NSRP1: variants seen among roughly 807,000 people sequenced by gnomAD.
NSRP1 encodes the protein nuclear speckle splicing regulatory protein 1, also known as coiled-coil domain containing 55.
Under a neutral mutation model 54.7 loss-of-function variants are expected in NSRP1, and 24 were observed. The observed-to-expected ratio is 0.44, with a 90% confidence interval of 0.32 to 0.62. The LOEUF (loss-of-function observed/expected upper bound fraction) is 0.62. Ranked by LOEUF, NSRP1 falls within the 20% of genes least tolerant of loss-of-function variation. NSRP1 has a pLI of 0.06. For missense variants in NSRP1, 596 were observed against 651.2 expected, an observed-to-expected ratio of 0.92 and a Z score of 0.92; for synonymous variants, 210 against 213.8, an observed-to-expected ratio of 0.98 and a Z score of 0.15.
In NSRP1 at chr17:30,185,091, C is replaced by T. The variant is rs187315102; in HGVS notation, c.1094C>T (p.Pro365Leu). The T allele has an allele frequency of 6.2e-7, 1 of 1,613,590 alleles. No individual in the cohort carries two copies. Among genetic ancestry groups the T allele is most frequent in the Non-Finnish European group, 8.5e-7 (1 of 1,179,852 alleles). ...AAGAGGCATGAACAGGAAGATAAACCAAGGGCGAGGGACCAAAGAGAAAGA... is the reference window on the plus strand; with the variant it reads ...AAGAGGCATGAACAGGAAGATAAACTAAGGGCGAGGGACCAAAGAGAAAGA... The part of the protein sequence containing the change: ...HWKRHEQEDK[P>L]RARDQRERSD... Residue 365 changes from proline (P) to leucine (L), a missense_variant, in exon 7 of 7, where the codon CCA (proline) becomes CTA (leucine). By Grantham distance (98) the Pro-to-Leu change is moderately conservative (BLOSUM62 -3). Transcript: ENST00000247026.
At chr17:30,119,832 G>A (rs943316190) in intron 2 of NSRP1, among the ~76,000 whole-genome samples, 13 of 152,142 alleles carry the variant, frequency 8.5e-5, no homozygotes, top group African/African-American at 2.9e-4. Flanking sequence ...ATAATAGCAT[G>A]GGTGGATAAT....
At chr17:30,138,211 G>A (rs1425645833) in intron 2 of NSRP1, among the ~76,000 whole-genome samples, 1 of 152,162 alleles carries the variant, frequency 6.6e-6, no homozygotes, top group African/African-American at 2.4e-5. Context: ...TTGTATATGT[G>A]TATCACATTT....
intron 2 of NSRP1, among the ~76,000 whole-genome samples, chr17:30,158,143 GT>G (rs1439357105): frequency 1.3e-5 from 2 of 152,024 alleles, no homozygotes; most frequent in African/African-American, 4.8e-5. Context: ...GTTATTTCCT[GT>G]CTTTTTAATA....
At chr17:30,178,999 C>T in intron 4 of NSRP1, 91 bp from the exon 5 acceptor site, 1 of 737,432 alleles carries the variant, frequency 1.4e-6, no homozygotes, top group Non-Finnish European at 2.0e-6. Flanking sequence ...TTGGGCCAAT[C>T]ATTTCTATCT....
intron 2 of NSRP1, chr17:30,150,781 G>A (rs2071901730): frequency 7.0e-6 from 1 of 142,730 alleles, no homozygotes; most frequent in Non-Finnish European, 1.5e-5. Context: ...TCCGCCTTCT[G>A]GATTCAAGCG....
At chr17:30,127,820 T>C in intron 2 of NSRP1, 2 of 392,456 alleles carry the variant, frequency 5.1e-6, no homozygotes, top group Non-Finnish European at 9.0e-6. Context: ...TTTTATTTAA[T>C]TTACATTACT....
chr17:30,165,191 G>A (rs998890338), intron 2 of NSRP1, among the ~76,000 whole-genome samples: 1 of 152,300 alleles, frequency 6.6e-6, no homozygotes, highest in South Asian at 2.1e-4. Flanking sequence ...GGATGAGTAT[G>A]GCTTATAAAG....
chr17:30,173,865 G>A (rs891595930), intron 3 of NSRP1, among the ~76,000 whole-genome samples: 2 of 152,218 alleles, frequency 1.3e-5, no homozygotes, highest in South Asian at 2.1e-4. Flanking sequence ...CCTCCCGGAC[G>A]AATTGGCACA....
chr17:30,144,276 T>G (rs2071833183), intron 2 of NSRP1: 1 of 151,132 alleles, frequency 6.6e-6, no homozygotes, highest in East Asian at 1.9e-4. Flanking sequence ...ATTATTTTTT[T>G]TTGAAGCAGA....
At chr17:30,122,375 ATATATATATATTTTTTTTTTTTT>A (rs2071609590) in intron 2 of NSRP1, 6 of 25,018 alleles carry the variant, frequency 2.4e-4, no homozygotes, top group African/African-American at 7.0e-4. Flanking sequence ...ATATATATAT[ATATATATATATTTTTTTTTTTTT>A]TTTTTTTTTT....
At chr17:30,161,421 T>C (rs946292035) in intron 2 of NSRP1, among the ~76,000 whole-genome samples, 7 of 152,234 alleles carry the variant, frequency 4.6e-5, no homozygotes, top group African/African-American at 1.7e-4. Flanking sequence ...ACTGTTTTAA[T>C]TTATGTGGCT....
At chr17:30,182,072 T>TA (rs1005294207) in intron 6 of NSRP1, among the ~76,000 whole-genome samples, 9 of 93,782 alleles carry the variant, frequency 9.6e-5, no homozygotes, top group African/African-American at 7.9e-5. Context: ...TTTTTTTTTT[T>TA]AAATAAGAAT....
At chr17:30,132,495 A>G (rs1220096867) in intron 2 of NSRP1, among the ~76,000 whole-genome samples, 1 of 152,076 alleles carries the variant, frequency 6.6e-6, no homozygotes, top group East Asian at 1.9e-4. Context: ...TGGAGGTTGC[A>G]GTGAGCCAAG....
Position 30,185,303 on chromosome 17 carries a change from GAT to G in NSRP1, c.1308_1309del (p.Asp436GlufsTer25). The G allele has an allele frequency of 2.5e-6, 4 of 1,605,270 alleles. No individual in the cohort carries two copies. Among genetic ancestry groups the G allele is most frequent in the South Asian group, 2.3e-5 (2 of 88,572 alleles). On this transcript the variant is annotated frameshift_variant, in exon 7 of 7. Coordinates refer to ENST00000247026, the MANE Select transcript of NSRP1 (RefSeq NM_032141.4). LOFTEE classifies it high-confidence loss of function. ...ATATGAAAATAATGATAAATACAGA[GAT>G]AGAGAAAAACGAGAGGTAGGTGTTC... is the stretch of plus-strand genomic sequence containing the variant. The part of the protein sequence containing the change: ...ERYENNDKYR[D>X]REKREVGVQS...
intron 4 of NSRP1, among the ~76,000 whole-genome samples, chr17:30,178,782 A>G (rs1424795739): frequency 6.6e-6 from 1 of 152,146 alleles, no homozygotes; most frequent in Non-Finnish European, 1.5e-5. Flanking sequence ...ACTAAATGTG[A>G]AAAACTAGCA....
intron 2 of NSRP1, among the ~76,000 whole-genome samples, chr17:30,165,910 CA>C (rs1904714758): frequency 6.6e-6 from 1 of 151,746 alleles, no homozygotes; most frequent in African/African-American, 2.4e-5. Flanking sequence ...AAATAAATAC[CA>C]ACCTTACATT....
rs964449971 is a variant in NSRP1, at chr17:30,138,909, G to GTTTTT, written c.114+20758_114+20762dup. Reference sequence around the variant, plus strand: ...ATGAAGTGGTATCTCAAGTCTTAGCGTTTTTTTTTTTTTTTTTTTTTTTTT... The same window carrying GTTTTT: ...ATGAAGTGGTATCTCAAGTCTTAGCGTTTTTTTTTTTTTTTTTTTTTTTTTTTTTT... On this transcript the variant is annotated intron_variant, in intron 2 of 6. Coordinates refer to ENST00000247026, the MANE Select transcript of NSRP1 (RefSeq NM_032141.4). 1.2e-3 allele frequency among the ~76,000 whole-genome samples: 67 copies of GTTTTT among 58,186 alleles called. 15 individuals carry two copies. Among genetic ancestry groups the GTTTTT allele is most frequent in the African/African-American group, 1.4e-3 (22 of 15,700 alleles). The allele number at this position is 58,186 out of a possible 152,430, so 38.2% of individuals were successfully genotyped here.
At chr17:30,134,520 G>A (rs781309991) in intron 2 of NSRP1, among the ~76,000 whole-genome samples, 16 of 152,198 alleles carry the variant, frequency 1.1e-4, no homozygotes, top group Non-Finnish European at 2.1e-4. Flanking sequence ...TGTTGTCTTA[G>A]GATAGAGATA....
intron 6 of NSRP1, among the ~76,000 whole-genome samples, chr17:30,182,072 T>A (rs1299813009): frequency 1.5e-4 from 14 of 93,868 alleles, no homozygotes; most frequent in Admixed American, 3.8e-4. Context: ...TTTTTTTTTT[T>A]AAATAAGAAT....
Sources: allele counts gnomAD v4.1 joint callset (sites outside exome capture counted in the v4.1 genomes callset), GRCh38; gene constraint gnomAD v4.1.1; transcripts MANE v1.5; gene names NCBI Gene and HGNC (gene_info 2026-07-23, HGNC 2026-07-21).